Variants in NTNG1 observed in about 807,000 individuals in gnomAD.
NTNG1 encodes netrin-G1.
Under a neutral mutation model 54.0 loss-of-function variants are expected in NTNG1, and 16 were observed. The ratio of observed to expected loss-of-function variants is 0.30; its 90% confidence interval spans 0.20 to 0.45. The LOEUF (loss-of-function observed/expected upper bound fraction) is 0.45. NTNG1 is among the 20% of genes least tolerant of loss of function. NTNG1 has a pLI of 1.00. For missense variants in NTNG1, 530 were observed against 678.7 expected (o/e 0.78, Z 2.43); for synonymous variants, 255 against 263.1 (o/e 0.97, Z 0.30).
In NTNG1 at chr1:107,480,622, G is replaced by C; in HGVS notation, c.1402G>C (p.Asp468His). 6.6e-7 allele frequency: 1 copy of C among 1,512,928 alleles called. No individual in the cohort carries two copies. The allele number at this position is 1,512,928 out of a possible 1,614,324, so 93.7% of individuals were successfully genotyped here. The change falls in exon 8 of 8, where the codon GAC becomes CAC. Residue 468 changes from aspartate (D) to histidine (H), a missense_variant. Around this residue, in one of 2 missense-constraint regions of NTNG1, gnomAD observed 212 missense variants for 213.6 expected, o/e 0.99. Coordinates refer to ENST00000370068, the MANE Select transcript of NTNG1 (RefSeq NM_001113226.3). ...CCCTCATTCTGCAGCGAATGTCTGC[G>C]ACAACGAGCTCCTGCACTGCCAGAA... ...WHYGCQPNVCDNELLHCQNGG... is the reference protein window; with the variant it reads ...WHYGCQPNVCHNELLHCQNGG...
intron 3 of NTNG1, among the ~76,000 whole-genome samples, chr1:107,336,634 C>T (rs1668596201): frequency 6.6e-6 from 1 of 151,860 alleles, no homozygotes; most frequent in Non-Finnish European, 1.5e-5. Context: ...TGAACGTCAT[C>T]AAAATTAACA....
intron 2 of NTNG1, among the ~76,000 whole-genome samples, chr1:107,240,639 C>T (rs1358364537): frequency 3.3e-5 from 5 of 152,158 alleles, no homozygotes; most frequent in Non-Finnish European, 7.3e-5. Flanking sequence ...AAAAGCATTG[C>T]ATGTATTAAG....
rs140464106 is a variant in NTNG1 at position 107,203,785 on chromosome 1, A to G, written c.246+54946A>G. On this transcript the variant is annotated intron_variant, in intron 2 of 7. Coordinates refer to ENST00000370068, the MANE Select transcript of NTNG1 (RefSeq NM_001113226.3). ...CTTTGAATTTTTTTAAGTATACTTG[A>G]GAGTCTTAACTGGCATTTTATGTCT... 3.0e-3 allele frequency among the ~76,000 whole-genome samples: 449 copies of G among 151,588 alleles called. 4 individuals carry two copies. The highest frequency in any genetic ancestry group is 0.01 in the African/African-American group (433 of 41,504).
At chr1:107,455,711 G>A (rs570945783) in intron 7 of NTNG1, 11 of 405,496 alleles carry the variant, frequency 2.7e-5, no homozygotes, top group African/African-American at 8.0e-5. Context: ...AGAACAATAC[G>A]CGGATGAGCC....
intron 2 of NTNG1, among the ~76,000 whole-genome samples, chr1:107,291,613 T>C (rs1038818522): frequency 2.4e-4 from 36 of 152,212 alleles, no homozygotes; most frequent in Non-Finnish European, 3.5e-4. Context: ...ATTTATCAAC[T>C]GCTTGAAATA....
chr1:107,378,081 G>A (rs1488353543), intron 3 of NTNG1, among the ~76,000 whole-genome samples: 1 of 152,198 alleles, frequency 6.6e-6, no homozygotes, highest in Non-Finnish European at 1.5e-5. Flanking sequence ...TTTAATGTAA[G>A]TGCTTATATT....
chr1:107,211,550 G>A (rs74108649), intron 2 of NTNG1, among the ~76,000 whole-genome samples: 6,806 of 152,092 alleles, frequency 0.045, 488 homozygotes, highest in African/African-American at 0.15. Flanking sequence ...TTGTATCCAT[G>A]AAGTCCCATT....
In NTNG1 at chr1:107,258,289, A is replaced by C. The variant is rs1663069621; in HGVS notation, c.247-65993A>C. ...TTTTTCATTTTATTAGTGGTTGAGG[A>C]AAAAAAAAAACCCATGATATTAGTA... On this transcript the variant is annotated intron_variant, in intron 2 of 7. Coordinates refer to ENST00000370068, the MANE Select transcript of NTNG1 (RefSeq NM_001113226.3). Among the ~76,000 whole-genome samples the C allele has an allele frequency of 2.8e-5, 4 of 145,346 alleles. No individual in the cohort carries two copies. The South Asian group carries it at 6.3e-4, about 23-fold the overall frequency.
intron 2 of NTNG1, among the ~76,000 whole-genome samples, chr1:107,184,630 G>C (rs1450261955): frequency 6.6e-6 from 1 of 152,104 alleles, no homozygotes; most frequent in East Asian, 1.9e-4. Context: ...CACACCCACA[G>C]ATCTCTTTAG....
intron 2 of NTNG1, among the ~76,000 whole-genome samples, chr1:107,292,414 G>T (rs556959583): frequency 3.9e-4 from 59 of 152,174 alleles, no homozygotes; most frequent in African/African-American, 1.4e-3. Flanking sequence ...ACAGGAGAGG[G>T]TTTCCCCCGC....
intron 2 of NTNG1, among the ~76,000 whole-genome samples, chr1:107,319,399 G>A (rs1214429493): frequency 6.6e-6 from 1 of 152,118 alleles, no homozygotes; most frequent in African/African-American, 2.4e-5. Flanking sequence ...TGCAGTTAAA[G>A]CATGGTTCTC....
intron 2 of NTNG1, among the ~76,000 whole-genome samples, chr1:107,319,818 AAAT>A (rs1667547451): frequency 6.6e-6 from 1 of 151,700 alleles, no homozygotes; most frequent in Non-Finnish European, 1.5e-5. Flanking sequence ...GGCAAAGTCA[AAAT>A]GATAGCAACC....
chr1:107,395,336 T>A lies in NTNG1; in HGVS notation c.1060+10T>A, dbSNP rs574865685. ...GGCACTGCAAATACCTGTGAGTAAC[T>A]TTGCTTGGTAACAGCATATTCTGTG... On this transcript the variant is annotated intron_variant, in intron 4 of 7. Coordinates refer to ENST00000370068, the MANE Select transcript of NTNG1 (RefSeq NM_001113226.3). 3.2e-5 allele frequency: 51 copies of A among 1,611,860 alleles called. No individual in the cohort carries two copies. In the South Asian group the frequency reaches 5.4e-4, roughly 17 times the overall value.
chr1:107,400,625 G>A (rs1346673613), intron 4 of NTNG1, among the ~76,000 whole-genome samples: 1 of 151,248 alleles, frequency 6.6e-6, no homozygotes, highest in East Asian at 2.0e-4. Flanking sequence ...TTTTATTCTT[G>A]GTCTTCATCA....
chr1:107,241,251 A>G (rs563864938), intron 2 of NTNG1, among the ~76,000 whole-genome samples: 3 of 152,318 alleles, frequency 2.0e-5, no homozygotes, highest in African/African-American at 4.8e-5. Context: ...ATCAATAGTA[A>G]TGTTATCAAA....
intron 2 of NTNG1, among the ~76,000 whole-genome samples, chr1:107,248,421 G>T (rs1396091227): frequency 6.6e-6 from 1 of 152,212 alleles, no homozygotes; most frequent in African/African-American, 2.4e-5. Context: ...GTTTAGGAAA[G>T]TCTGGGATTT....
At chr1:107,458,643 A>C (rs1253473708) in intron 7 of NTNG1, among the ~76,000 whole-genome samples, 1 of 152,180 alleles carries the variant, frequency 6.6e-6, no homozygotes, top group African/African-American at 2.4e-5. Flanking sequence ...AATTATTCAA[A>C]AATTAACCTG....
At chr1:107,157,728 T>C (rs1570727166) in intron 2 of NTNG1, among the ~76,000 whole-genome samples, 1 of 152,276 alleles carries the variant, frequency 6.6e-6, no homozygotes, top group South Asian at 2.1e-4. Context: ...AATTTCTTTA[T>C]TTCTAACTGT....
intron 1 of NTNG1, among the ~76,000 whole-genome samples, chr1:107,146,964 C>T (rs1273443540): frequency 6.6e-6 from 1 of 151,886 alleles, no homozygotes; most frequent in Non-Finnish European, 1.5e-5. Flanking sequence ...AAATTGTAGG[C>T]TTTTTTGTCC....
Sources: gnomAD v4.1 joint callset for allele counts (sites outside exome capture counted in the v4.1 genomes callset) on GRCh38, gnomAD v4.1.1 for gene constraint, gnomAD v4.1.1 regional missense constraint, MANE v1.5 for transcripts, NCBI Gene and HGNC (gene_info 2026-07-23, HGNC 2026-07-21) for gene names.